EIF2B2: variants seen among roughly 807,000 people sequenced by gnomAD.
EIF2B2 encodes translation initiation factor eIF2B subunit beta.
A neutral mutation model predicts 34.7 loss-of-function variants in EIF2B2; 34 were observed. That is an observed-to-expected ratio of 0.98 (90% CI 0.75 to 1.31). EIF2B2 has a LOEUF of 1.31. Ranked by LOEUF, EIF2B2 falls within the 50% of genes most tolerant of loss-of-function variation. EIF2B2 has a pLI of 0.00. For synonymous variants in EIF2B2, 155 were observed against 171.6 expected (o/e 0.90, Z 0.76); for missense variants, 361 against 447.7 (o/e 0.81, Z 1.75).
rs1889669129 is a variant in EIF2B2 at position 75,009,163 on chromosome 14, A to G, written c.1031A>G (p.Tyr344Cys). ...SYIYRLMSELYHPDDHVL is the reference protein window; with the variant it reads ...SYIYRLMSELCHPDDHVL Reference sequence around the variant, plus strand: ...ATCTACCGCCTGATGAGTGAACTCTACCATCCTGATGATCATGTTTTATGA... The same window carrying G: ...ATCTACCGCCTGATGAGTGAACTCTGCCATCCTGATGATCATGTTTTATGA... Residue 344 changes from tyrosine to cysteine, a missense_variant, in exon 8 of 8, where the codon TAC becomes TGC. Physicochemically the swap from Tyr to Cys is radical, Grantham distance 194 (BLOSUM62 -2). Coordinates refer to ENST00000266126, the MANE Select transcript of EIF2B2 (RefSeq NM_014239.4). 5.6e-6 allele frequency: 9 copies of G among 1,614,004 alleles called. No homozygotes were observed. Among genetic ancestry groups the G allele is most frequent in the South Asian group, 3.3e-5 (3 of 91,068 alleles).
chr14:75,004,682 TATATATA>T (rs1267623596), intron 3 of EIF2B2, 48 bp from the exon 4 acceptor site: 1 of 179,000 alleles, frequency 5.6e-6, no homozygotes. Context: ...TATATATATA[TATATATA>T]TTTTTTTTTT....
intron 3 of EIF2B2, 86 bp from the exon 4 acceptor site, chr14:75,004,651 G>A: frequency 4.4e-6 from 2 of 454,368 alleles, no homozygotes; most frequent in Non-Finnish European, 5.9e-6. Context: ...ATGTGTGTTT[G>A]TGATATAGCA....
intron 3 of EIF2B2, 128 bp downstream of exon 3, chr14:75,003,827 C>A: frequency 7.2e-7 from 1 of 1,393,062 alleles, no homozygotes; most frequent in Non-Finnish European, 9.9e-7. Context: ...GTTTGTCCTC[C>A]TTCCTGATTA....
chr14:75,003,440 T>C (rs755393155), intron 2 of EIF2B2, 45 bp downstream of exon 2: 47 of 1,613,810 alleles, frequency 2.9e-5, no homozygotes, highest in Admixed American at 1.3e-4. Context: ...AGTGACACTT[T>C]TTGCACGGGC....
At position 75,006,110 on chromosome 14, in the gene EIF2B2, A is replaced by T; in HGVS notation, c.693+149A>T. 2 of 729,890 alleles carry T rather than the reference A, an allele frequency of 2.7e-6. No homozygotes were observed. The highest frequency in any genetic ancestry group is 1.7e-5 in the African/African-American group (1 of 57,410). 45.2% of individuals were successfully genotyped at this position (729,890 alleles called of 1,614,324 possible). ...TTAGGCCTTTTTAATCTGTTAACTGAATTTCTTTTCCCTTTTTTCTGCATC... is the reference window on the plus strand; with the variant it reads ...TTAGGCCTTTTTAATCTGTTAACTGTATTTCTTTTCCCTTTTTTCTGCATC... On this transcript the variant is annotated intron_variant, in intron 5 of 7. Transcript: ENST00000266126. This position sits in a 1 kb window ranked among gnomAD's most constrained non-coding sequence, Gnocchi z 4.1.
chr14:75,002,963 G>C lies in EIF2B2; in HGVS notation c.-28G>C. ...GGTCTGGCAGGTGTGGATTCCGCCG[G>C]TGAAGGCTGAAGGCAGCTACCTTAA... On this transcript the variant is annotated 5_prime_UTR_variant, in exon 1 of 8. Coordinates refer to ENST00000266126, the MANE Select transcript of EIF2B2 (RefSeq NM_014239.4). The C allele has an allele frequency of 6.2e-7, 1 of 1,613,626 alleles. No homozygotes were observed. The highest frequency in any genetic ancestry group is 1.1e-5 in the South Asian group (1 of 91,060).
intron 3 of EIF2B2, 48 bp from the exon 4 acceptor site, chr14:75,004,689 A>ATATATATATTTTTTTTTT: frequency 6.8e-6 from 1 of 146,208 alleles, no homozygotes; most frequent in African/African-American, 7.2e-5. Context: ...ATATATATAT[A>ATATATATATTTTTTTTTT]TTTTTTTTTT....
rs1889568613 is a variant in EIF2B2, at chr14:75,003,303, G to A, written c.192G>A (p.Glu64=). The A allele has an allele frequency of 1.2e-6, 2 of 1,613,806 alleles. No homozygotes were observed. Among genetic ancestry groups the A allele is most frequent in the African/African-American group, 1.3e-5 (1 of 74,920 alleles). Residue 64 remains glutamate, a synonymous_variant, in exon 2 of 8, where the codon GAG becomes GAA. Transcript: ENST00000266126. The part of the protein sequence containing the change: ...AGELMELIRR[E]GRRMTAAQPS... ...AGCTGATGGAGCTGATCCGCAGAGA[G>A]GGCAGGAGGATGACGGCCGCTCAGC...
chr14:75,008,100 G>C, intron 7 of EIF2B2: 1 of 332,476 alleles, frequency 3.0e-6, no homozygotes, highest in South Asian at 2.8e-5. Flanking sequence ...CAACCAGTTG[G>C]GAAAATGTAC....
At position 75,006,529 on chromosome 14, in the gene EIF2B2, TA is replaced by T; in HGVS notation, c.694-47del. On this transcript the variant is annotated intron_variant, in intron 5 of 7. Transcript: ENST00000266126. The surrounding 1 kb of genome is among the most constrained non-coding windows in gnomAD (Gnocchi z 4.1). ...AGCTTTTTGTGGCCAGTGGCCCTTTTAGGGCTCCACCCCCAGGATGGCTCAC... is the reference window on the plus strand; with the variant it reads ...AGCTTTTTGTGGCCAGTGGCCCTTTTGGGCTCCACCCCCAGGATGGCTCAC... The T allele has an allele frequency of 6.2e-7, 1 of 1,609,838 alleles. No homozygotes were observed. Among genetic ancestry groups the T allele is most frequent in the Non-Finnish European group, 8.5e-7 (1 of 1,179,830 alleles).
In EIF2B2 at chr14:75,008,637, A is replaced by T. The variant is rs1384063216; in HGVS notation, c.899-394A>T. Among the ~76,000 whole-genome samples the T allele has an allele frequency of 2.0e-5, 3 of 152,336 alleles. No individual in the cohort carries two copies. The East Asian group carries it at 5.8e-4, about 29-fold the overall frequency. On this transcript the variant is annotated intron_variant, in intron 7 of 7. Coordinates refer to ENST00000266126, the MANE Select transcript of EIF2B2 (RefSeq NM_014239.4). ...AGATGACATTTCAGCTGAGTCCTGA[A>T]TGAACAGAGTCCACCATATGAAGAT... is the stretch of plus-strand genomic sequence containing the variant.
chr14:75,008,741 A>AG (rs35607382), intron 7 of EIF2B2, among the ~76,000 whole-genome samples: 1 of 152,208 alleles, frequency 6.6e-6, no homozygotes. Flanking sequence ...GTAATGAGCA[A>AG]GGGGGAGAGT....
rs771425079 is a variant in EIF2B2, at chr14:75,006,976, C to T, written c.831+262C>T. 3.2e-6 allele frequency: 2 copies of T among 617,900 alleles called. No homozygotes were observed. Among genetic ancestry groups the T allele is most frequent in the South Asian group, 3.0e-5 (2 of 66,174 alleles). The allele number at this position is 617,900 out of a possible 1,614,324, so 38.3% of individuals were successfully genotyped here. A position where few individuals can be genotyped will look rare whatever the true frequency, so the allele number is the denominator to read the frequency against. ...GGAAAGGTCCTTTGCTTACGATTGC[C>T]ACCACTCCCTGTCGCCTGACCATTT... On this transcript the variant is annotated intron_variant, in intron 6 of 7. Coordinates refer to ENST00000266126, the MANE Select transcript of EIF2B2 (RefSeq NM_014239.4). The surrounding 1 kb of genome is among the most constrained non-coding windows in gnomAD (Gnocchi z 4.1).
Position 75,009,372 on chromosome 14 carries a change from G to A in EIF2B2, c.*184G>A. ...GTAACAAGGGCACACATCCAGGACT[G>A]TGTCTTGCCTTTCAGATCTTAACAG... On this transcript the variant is annotated 3_prime_UTR_variant, in exon 8 of 8. Coordinates refer to ENST00000266126, the MANE Select transcript of EIF2B2 (RefSeq NM_014239.4). 1.5e-6 allele frequency: 1 copy of A among 664,242 alleles called. No homozygotes were observed. The highest frequency in any genetic ancestry group is 2.7e-6 in the Non-Finnish European group (1 of 376,730). 41.1% of individuals were successfully genotyped at this position (664,242 alleles called of 1,614,324 possible).
intron 4 of EIF2B2, 84 bp downstream of exon 4, chr14:75,004,984 T>A: frequency 7.0e-7 from 1 of 1,426,610 alleles, no homozygotes; most frequent in Non-Finnish European, 9.8e-7. Context: ...CATTCCAACC[T>A]TGAATTGATA....
At position 75,009,110 on chromosome 14, in the gene EIF2B2, C is replaced by T. The variant is rs1388748636; in HGVS notation, c.978C>T (p.Ser326=). The part of the protein sequence containing the change: ...VPPELITLFI[S]NIGGNAPSYI... ...CAGAGCTCATTACCCTCTTTATCTC[C>T]AACATTGGTGGGAATGCACCTTCCT... Residue 326 remains serine, a synonymous_variant, in exon 8 of 8, where the codon TCC becomes TCT. Transcript: ENST00000266126. 1 of 1,614,074 alleles carries T rather than the reference C, an allele frequency of 6.2e-7. No individual in the cohort carries two copies. The highest frequency in any genetic ancestry group is 1.7e-5 in the Admixed American group (1 of 60,016).
chr14:75,005,385 A>AG (rs1889612574), intron 4 of EIF2B2, among the ~76,000 whole-genome samples: 1 of 152,142 alleles, frequency 6.6e-6, no homozygotes, highest in Non-Finnish European at 1.5e-5. Flanking sequence ...TCAAAAAAAA[A>AG]AAAAAAGATG....
Position 75,002,938 on chromosome 14 carries a change from G to A in EIF2B2, c.-53G>A. On this transcript the variant is annotated 5_prime_UTR_variant, in exon 1 of 8. Coordinates refer to ENST00000266126, the MANE Select transcript of EIF2B2 (RefSeq NM_014239.4). ...CCCGCCCCGGAAGTGCAAACTGTGT[G>A]GTCTGGCAGGTGTGGATTCCGCCGG... 1.2e-6 allele frequency: 2 copies of A among 1,612,518 alleles called. No individual in the cohort carries two copies.
rs1889690160 is a variant in EIF2B2 at position 75,010,481 on chromosome 14, T to TA, written c.*1293_*1294insA. 1 of 152,220 alleles carries TA rather than the reference T, an allele frequency of 6.6e-6. No homozygotes were observed. Among genetic ancestry groups the TA allele is most frequent in the African/African-American group, 2.4e-5 (1 of 41,454 alleles). 9.4% of individuals were successfully genotyped at this position (152,220 alleles called of 1,614,324 possible). On this transcript the variant is annotated 3_prime_UTR_variant, in exon 8 of 8. Coordinates refer to ENST00000266126, the MANE Select transcript of EIF2B2 (RefSeq NM_014239.4). ...CAAAAGGATGGCTGGAGGGGCAGTGTCTGGATTGAAGGCATTTGGGCTGGT... is the reference window on the plus strand; with the variant it reads ...CAAAAGGATGGCTGGAGGGGCAGTGTACTGGATTGAAGGCATTTGGGCTGGT...
Sources: allele counts gnomAD v4.1 joint callset (sites outside exome capture counted in the v4.1 genomes callset), GRCh38; gene constraint gnomAD v4.1.1; non-coding constraint Gnocchi (gnomAD v3.1); transcripts MANE v1.5; gene names NCBI Gene and HGNC (gene_info 2026-07-23, HGNC 2026-07-21).